RAD52: variants seen among roughly 807,000 people sequenced by gnomAD.
The protein encoded by RAD52 is DNA repair protein RAD52 homolog.
In RAD52, 47 loss-of-function variants were observed where a neutral mutation model predicts 55.5. The observed-to-expected ratio is 0.85, with a 90% CI of 0.67 to 1.08. RAD52 has a LOEUF of 1.08. Among genes scored for constraint, RAD52 ranks in the 50% least tolerant of loss-of-function variants. The pLI is 0.00. For missense variants in RAD52, 468 were observed against 522.8 expected (o/e 0.90, Z 1.02); for synonymous variants, 184 against 198.9 (o/e 0.92, Z 0.63).
intron 1 of RAD52, among the ~76,000 whole-genome samples, chr12:960,029 G>A (rs1248193289): frequency 1.3e-5 from 2 of 152,104 alleles, no homozygotes; most frequent in African/African-American, 4.8e-5. Context: ...AGGGAGGGAG[G>A]GCACAGGCCT....
At position 965,262 on chromosome 12, in the gene RAD52, C is replaced by T. The variant is rs1444924524; in HGVS notation, c.-19+24547G>A. On this transcript the variant is annotated intron_variant, in intron 1 of 11. Coordinates refer to the RAD52 transcript ENST00000430095. Reference sequence around the variant, plus strand: ...AAAGTGCTGGGATTACAGGCGTGAGCCACTGTGCCCGGCCACATCTTTGCT... The same window carrying T: ...AAAGTGCTGGGATTACAGGCGTGAGTCACTGTGCCCGGCCACATCTTTGCT... 2.0e-5 allele frequency among the ~76,000 whole-genome samples: 3 copies of T among 152,180 alleles called. No individual in the cohort carries two copies. In the South Asian group the frequency reaches 6.2e-4, roughly 32 times the overall value.
In RAD52 at chr12:937,259, A is replaced by C. The variant is rs571435067; in HGVS notation, c.-18-4183T>G. 5.8e-4 allele frequency among the ~76,000 whole-genome samples: 88 copies of C among 152,190 alleles called. 1 individual carries two copies. The highest frequency in any genetic ancestry group is 2.1e-3 in the African/African-American group (87 of 41,524). ...TCAAAATGCACCCTTGAACTGACTT[A>C]ATCTTCCTTCTCCCTTCACTCACCT... On this transcript the variant is annotated intron_variant, in intron 1 of 11. Transcript: ENST00000358495.
At chr12:949,753 G>C (rs1441460656), upstream of RAD52, 1 of 360 alleles carries the variant, frequency 2.8e-3, no homozygotes, top group Non-Finnish European at 5.1e-3. Flanking sequence ...AGCGCCGGAG[G>C]GGGAAAAAAA....
chr12:961,569 A>C (rs1309864982), intron 1 of RAD52, among the ~76,000 whole-genome samples: 1 of 151,490 alleles, frequency 6.6e-6, no homozygotes, highest in Non-Finnish European at 1.5e-5. Context: ...ACAAAGAGAG[A>C]CACTATGGCT....
At chr12:914,607 C>G in intron 9 of RAD52, 75 bp from the exon 10 acceptor site, 1 of 1,567,172 alleles carries the variant, frequency 6.4e-7, no homozygotes, top group Non-Finnish European at 8.7e-7. Context: ...TGGGTCCACT[C>G]CCCTCTTGTT....
chr12:930,191 C>T, intron 3 of RAD52, 47 bp from the exon 4 acceptor site: 1 of 1,391,892 alleles, frequency 7.2e-7, no homozygotes, highest in South Asian at 1.2e-5. Context: ...AATTCCTTAC[C>T]ACACTTAAAT....
intron 1 of RAD52, among the ~76,000 whole-genome samples, chr12:983,397 T>C (rs1161406292): frequency 6.9e-6 from 1 of 144,492 alleles, no homozygotes; most frequent in Non-Finnish European, 1.5e-5. Flanking sequence ...CAGCAGGTTG[T>C]TTTTTCCTGA....
At chr12:964,371 CA>C (rs1264558569) in intron 1 of RAD52, among the ~76,000 whole-genome samples, 1 of 152,072 alleles carries the variant, frequency 6.6e-6, no homozygotes, top group Admixed American at 6.6e-5. Flanking sequence ...AGTTTGAGAC[CA>C]GCCAGGCCAA....
intron 1 of RAD52, among the ~76,000 whole-genome samples, chr12:977,387 A>G (rs1309985882): frequency 6.6e-6 from 1 of 152,168 alleles, no homozygotes; most frequent in African/African-American, 2.4e-5. Context: ...AAGGTCACAT[A>G]TGGGTCAAAC....
chr12:974,729 T>A (rs1179263461), intron 1 of RAD52: 2 of 152,352 alleles, frequency 1.3e-5, no homozygotes, highest in Non-Finnish European at 2.9e-5. Context: ...AGTGATGACC[T>A]GTGATACTCT....
chr12:916,693 G>T lies in RAD52; in HGVS notation c.671C>A (p.Ser224Tyr), dbSNP rs754556113. The change falls in exon 8 of 12, where the codon TCC becomes TAC. Residue 224 changes from serine to tyrosine, a missense_variant. Coordinates refer to ENST00000358495, the MANE Select transcript of RAD52 (RefSeq NM_134424.4). ...LGHPQLQQVT[S>Y]PSRPSHAVIP... ...CACAGCATGGCTGGGTCTGGAAGGG[G>T]AGGTCACCTGCTGCAGCTGTGGGTG... The T allele has an allele frequency of 6.2e-7, 1 of 1,614,004 alleles. No individual in the cohort carries two copies. The highest frequency in any genetic ancestry group is 8.5e-7 in the Non-Finnish European group (1 of 1,180,006).
At chr12:952,929 AAGGGG>A (rs1236390791), upstream of RAD52, among the ~76,000 whole-genome samples, 7 of 44,408 alleles carry the variant, frequency 1.6e-4, no homozygotes, top group African/African-American at 1.8e-4. Context: ...AAGGGAGGGG[AAGGGG>A]AGGGGAGGGG....
intron 1 of RAD52, among the ~76,000 whole-genome samples, chr12:936,485 T>TAAAAAAAAA (rs71055107): frequency 7.4e-6 from 1 of 134,390 alleles, no homozygotes; most frequent in Non-Finnish European, 1.6e-5. Context: ...ATTATAAAAG[T>TAAAAAAAAA]AAAAAAAAAA....
intron 1 of RAD52, among the ~76,000 whole-genome samples, chr12:938,373 G>T (rs908895068): frequency 2.0e-5 from 3 of 152,200 alleles, no homozygotes; most frequent in Non-Finnish European, 4.4e-5. Flanking sequence ...AATGGCTGGT[G>T]AACTCTTTTA....
intron 2 of RAD52, among the ~76,000 whole-genome samples, 158 bp downstream of exon 2, chr12:932,814 CACA>C (rs1395989462): frequency 1.5e-5 from 1 of 67,792 alleles, no homozygotes; most frequent in African/African-American, 3.8e-5. Flanking sequence ...AGGTACTGCT[CACA>C]CACGTACTAG....
chr12:938,054 C>T lies in RAD52; in HGVS notation c.-18-4978G>A, dbSNP rs1046329997. On this transcript the variant is annotated intron_variant, in intron 1 of 11. Coordinates refer to ENST00000358495, the MANE Select transcript of RAD52 (RefSeq NM_134424.4). ...ACTTTCCTTTCCTGTCTCCCTTCCCCGCTCCTCTACTGTGTAAAGGACTAA... is the reference window on the plus strand; with the variant it reads ...ACTTTCCTTTCCTGTCTCCCTTCCCTGCTCCTCTACTGTGTAAAGGACTAA... Among the ~76,000 whole-genome samples the T allele has an allele frequency of 3.9e-5, 6 of 152,250 alleles. No individual in the cohort carries two copies. In the East Asian group the frequency reaches 9.6e-4, roughly 24 times the overall value.
chr12:990,395 C>T (rs1187370352), upstream of RAD52: 3 of 152,160 alleles, frequency 2.0e-5, no homozygotes, highest in African/African-American at 7.2e-5. Context: ...CCAAAGCCGG[C>T]TGCGAGTCTG....
chr12:961,950 G>GC (rs1958692555), intron 1 of RAD52, among the ~76,000 whole-genome samples: 1 of 152,158 alleles, frequency 6.6e-6, no homozygotes, highest in Non-Finnish European at 1.5e-5. Flanking sequence ...CACGTGAGAA[G>GC]CCATGTGAGA....
intron 3 of RAD52, among the ~76,000 whole-genome samples, chr12:930,458 TG>T (rs1333282329): frequency 3.0e-4 from 46 of 152,208 alleles, no homozygotes; most frequent in Middle Eastern, 3.4e-3. Context: ...CGAGAACGAA[TG>T]GTCTGTTGGG....
Sources: gnomAD v4.1 joint callset for allele counts (sites outside exome capture counted in the v4.1 genomes callset) on GRCh38, gnomAD v4.1.1 for gene constraint, MANE v1.5 for transcripts, NCBI Gene and HGNC (gene_info 2026-07-23, HGNC 2026-07-21) for gene names.